Variants in VIRMA observed in about 807,000 individuals in gnomAD.
The protein encoded by VIRMA is protein virilizer homolog.
Under a neutral mutation model 182.4 loss-of-function variants are expected in VIRMA, and 65 were observed. That is an observed-to-expected ratio of 0.36 (90% CI 0.29 to 0.44). The LOEUF is 0.44. Among genes scored for constraint, VIRMA ranks in the 20% least tolerant of loss-of-function variants. The pLI is 1.00. For missense variants in VIRMA, 1,752 were observed against 2,158.1 expected (o/e 0.81, Z 3.73); for synonymous variants, 709 against 743.1 (o/e 0.95, Z 0.75).
intron 2 of VIRMA, among the ~76,000 whole-genome samples, chr8:94,540,708 C>G (rs1183138883): frequency 6.6e-6 from 1 of 152,032 alleles, no homozygotes; most frequent in African/African-American, 2.4e-5. Flanking sequence ...CTGATCCACC[C>G]GCCTCAGCCT....
intron 1 of VIRMA, among the ~76,000 whole-genome samples, chr8:94,548,018 G>C (rs1355720796): frequency 6.6e-6 from 1 of 150,896 alleles, no homozygotes; most frequent in African/African-American, 2.5e-5. Context: ...CTGGGCAACA[G>C]AGCAAGACCC....
Position 94,553,396 on chromosome 8 carries a change from G to A in VIRMA, c.52C>T (p.Pro18Ser). Residue 18 changes from proline to serine, a missense_variant, in exon 1 of 24, where the codon CCG (proline) becomes TCG (serine). Around this residue, in one of 11 missense-constraint regions of VIRMA, gnomAD observed 195 missense variants for 191.7 expected, o/e 1.02. Transcript: ENST00000297591. ...TCGCCAAGCCTTACCTCAGCGCTCG[G>A]GTGTTTAAAAGTATCTAAAAATAAC... is the stretch of plus-strand genomic sequence containing the variant. ...ELLFLDTFKH[P>S]SAEQSSHIDV... 1 of 1,614,170 alleles carries A rather than the reference G, an allele frequency of 6.2e-7. No homozygotes were observed. The highest frequency in any genetic ancestry group is 1.1e-5 in the South Asian group (1 of 91,090).
At chr8:94,489,848 C>T (rs1813555012) in intron 23 of VIRMA, 91 bp downstream of exon 23, 1 of 1,406,812 alleles carries the variant, frequency 7.1e-7, no homozygotes, top group African/African-American at 1.4e-5. Flanking sequence ...GAGATTAGCA[C>T]CCCTAGCCCC....
At chr8:94,541,998 T>C (rs911543912) in intron 2 of VIRMA, among the ~76,000 whole-genome samples, 3 of 152,202 alleles carry the variant, frequency 2.0e-5, no homozygotes, top group Admixed American at 6.5e-5. Context: ...AGGGTTAAGA[T>C]AACGGAAAAT....
intron 18 of VIRMA, 177 bp downstream of exon 18, chr8:94,496,151 A>T (rs1813766578): frequency 9.1e-6 from 6 of 657,432 alleles, no homozygotes; most frequent in Admixed American, 3.2e-5. Context: ...TACTCCTTAA[A>T]ATTCATAACA....
intron 16 of VIRMA, among the ~76,000 whole-genome samples, chr8:94,502,807 C>T (rs1413959129): frequency 2.0e-5 from 3 of 151,858 alleles, no homozygotes; most frequent in South Asian, 2.1e-4. Context: ...TGTAACAAAC[C>T]GGAACGTTCT....
chr8:94,496,385 T>C lies in VIRMA; in HGVS notation c.4326A>G (p.Leu1442=). The part of the protein sequence containing the change: ...SINAAELKQL[L]QSKEESPENL... Reference sequence around the variant, plus strand: ...TTTCTGGACTTTCTTCTTTGCTTTGTAGAAGCTGTTTTAACTCTGCAGCAT... The same window carrying C: ...TTTCTGGACTTTCTTCTTTGCTTTGCAGAAGCTGTTTTAACTCTGCAGCAT... Residue 1442 remains leucine, a synonymous_variant, in exon 18 of 24, where the codon CTA becomes CTG. Transcript: ENST00000297591. The C allele has an allele frequency of 6.2e-7, 1 of 1,613,816 alleles. No homozygotes were observed. The highest frequency in any genetic ancestry group is 8.5e-7 in the Non-Finnish European group (1 of 1,179,828).
chr8:94,532,585 G>C (rs1464111853), intron 5 of VIRMA, among the ~76,000 whole-genome samples: 3 of 152,180 alleles, frequency 2.0e-5, no homozygotes, highest in Non-Finnish European at 4.4e-5. Context: ...TATAAAAGAT[G>C]TTATCACTGG....
chr8:94,546,228 T>C (rs573417006), intron 1 of VIRMA, among the ~76,000 whole-genome samples: 2 of 151,176 alleles, frequency 1.3e-5, no homozygotes, highest in South Asian at 4.1e-4. Context: ...TATCTCCATC[T>C]AGGACCTCTC....
chr8:94,544,662 CAAAAAAAAA>C (rs11364603), intron 1 of VIRMA, among the ~76,000 whole-genome samples: 3 of 94,488 alleles, frequency 3.2e-5, no homozygotes, highest in East Asian at 6.0e-4. Flanking sequence ...GACTCTGTCT[CAAAAAAAAA>C]AAAAAAAAAG....
At chr8:94,546,732 A>G in intron 1 of VIRMA, 1 of 332,416 alleles carries the variant, frequency 3.0e-6, no homozygotes, top group Non-Finnish European at 5.9e-6. Context: ...TCCCCCTCCG[A>G]GTCCCTAAAG....
chr8:94,539,174 TG>T (rs1381281818), intron 2 of VIRMA, among the ~76,000 whole-genome samples: 5 of 152,142 alleles, frequency 3.3e-5, no homozygotes, highest in African/African-American at 9.7e-5. Context: ...CCCAAAGTGC[TG>T]GGACTCAGGC....
chr8:94,541,510 C>A (rs1815553170), intron 2 of VIRMA, among the ~76,000 whole-genome samples: 1 of 152,100 alleles, frequency 6.6e-6, no homozygotes, highest in Non-Finnish European at 1.5e-5. Context: ...ATCTCTAACA[C>A]TGCTTTCAAC....
intron 2 of VIRMA, among the ~76,000 whole-genome samples, chr8:94,539,905 C>T (rs1164570339): frequency 6.6e-6 from 1 of 152,174 alleles, no homozygotes; most frequent in Non-Finnish European, 1.5e-5. Context: ...CTCTCTTGGG[C>T]TCTCTGGCTC....
chr8:94,540,467 T>C lies in VIRMA; in HGVS notation c.180-2121A>G, dbSNP rs111273221. ...CTTTACTTTTTCTTCTTTTCTTTTT[T>C]TTTTTTTTTTTTTTGAGACGGAGTC... On this transcript the variant is annotated intron_variant, in intron 2 of 23. Coordinates refer to ENST00000297591, the MANE Select transcript of VIRMA (RefSeq NM_015496.5). 4.0e-4 allele frequency among the ~76,000 whole-genome samples: 43 copies of C among 107,276 alleles called. 1 individual carries two copies. The highest frequency in any genetic ancestry group is 7.3e-4 in the Admixed American group (7 of 9,636). 70.4% of individuals were successfully genotyped at this position (107,276 alleles called of 152,430 possible). A position where few individuals can be genotyped will look rare whatever the true frequency, so the allele number is the denominator to read the frequency against.
rs1395394908 is a variant in VIRMA, at chr8:94,488,840, C to T, written c.5305G>A (p.Asp1769Asn). Residue 1769 changes from aspartate to asparagine, a missense_variant, in exon 24 of 24, where the codon GAC becomes AAC. This residue lies in a region of VIRMA where 132 missense variants were observed against 173.8 expected (regional missense o/e 0.76). Coordinates refer to ENST00000297591, the MANE Select transcript of VIRMA (RefSeq NM_015496.5). ...CCCCCACGACCTCTAGAAGCACGGT[C>T]CCGAGGACTTGGGCGGTAACCTGTA... is the stretch of plus-strand genomic sequence containing the variant. ...SSTGYRPSPR[D>N]RASRGRGGLG... 1.2e-6 allele frequency: 2 copies of T among 1,614,018 alleles called. No individual in the cohort carries two copies. Among genetic ancestry groups the T allele is most frequent in the South Asian group, 2.2e-5 (2 of 91,056 alleles).
intron 1 of VIRMA, among the ~76,000 whole-genome samples, chr8:94,544,937 A>G (rs1384168414): frequency 3.9e-5 from 6 of 152,282 alleles, no homozygotes; most frequent in African/African-American, 1.2e-4. Flanking sequence ...ATTAAAAAAC[A>G]AAACAAAACC....
chr8:94,536,570 G>A (rs1014178642), intron 4 of VIRMA, among the ~76,000 whole-genome samples: 2 of 152,222 alleles, frequency 1.3e-5, no homozygotes, highest in African/African-American at 4.8e-5. Flanking sequence ...AAGCACAAAT[G>A]CTGGCCTCTT....
At chr8:94,490,265 G>A (rs1813566555) in intron 22 of VIRMA, 183 bp from the exon 23 acceptor site, 1 of 586,654 alleles carries the variant, frequency 1.7e-6, no homozygotes. Flanking sequence ...CAAACTGCCA[G>A]GGATCAAATA....
Sources: gnomAD v4.1 joint callset for allele counts (sites outside exome capture counted in the v4.1 genomes callset) on GRCh38, gnomAD v4.1.1 for gene constraint, gnomAD v4.1.1 regional missense constraint, MANE v1.5 for transcripts, NCBI Gene and HGNC (gene_info 2026-07-23, HGNC 2026-07-21) for gene names.